Variants in WDFY4 observed in about 807,000 individuals in gnomAD.
WDFY4 encodes the protein WDFY family member 4.
In WDFY4, 169 loss-of-function variants were observed where a neutral mutation model predicts 351.9. The observed-to-expected ratio is 0.48, with a 90% CI of 0.42 to 0.55. The LOEUF (loss-of-function observed/expected upper bound fraction) is 0.55, where lower values mean the gene tolerates loss of function less well. WDFY4 is among the 20% of genes least tolerant of loss of function. WDFY4 has a pLI of 0.00. For missense variants in WDFY4, 3,803 were observed against 3,935.6 expected (o/e 0.97, Z 0.90); for synonymous variants, 1,622 against 1,574.6 (o/e 1.03, Z -0.71).
At chr10:48,962,123 C>G (rs779085300) in intron 53 of WDFY4, among the ~76,000 whole-genome samples, 3 of 152,210 alleles carry the variant, frequency 2.0e-5, no homozygotes, top group Non-Finnish European at 4.4e-5. Flanking sequence ...ATGATCTGCC[C>G]TCACCTGGGT....
intron 44 of WDFY4, among the ~76,000 whole-genome samples, chr10:48,892,895 G>T (rs1462482684): frequency 2.0e-5 from 3 of 152,202 alleles, no homozygotes; most frequent in East Asian, 3.8e-4. Context: ...GTTAGCTTTT[G>T]CTTGTAGTAA....
chr10:48,889,499 A>AT (rs11439901), intron 43 of WDFY4, among the ~76,000 whole-genome samples: 150,093 of 151,916 alleles, frequency 0.99, 74,171 homozygotes, highest in Middle Eastern at 1. Context: ...AACCTCTTTT[A>AT]TTTTTTTTCT....
chr10:48,880,100 C>G (rs910654782), intron 43 of WDFY4, among the ~76,000 whole-genome samples: 1 of 152,164 alleles, frequency 6.6e-6, no homozygotes, highest in African/African-American at 2.4e-5. Flanking sequence ...CAGGCTGCTG[C>G]CCCCCAGGGC....
chr10:48,802,874 G>A, intron 24 of WDFY4: 1 of 480,822 alleles, frequency 2.1e-6, no homozygotes, highest in Non-Finnish European at 4.3e-6. Context: ...AGTGGAGACT[G>A]TCACTCAGCT....
At chr10:48,763,311 C>A (rs1336634873) in intron 13 of WDFY4, among the ~76,000 whole-genome samples, 1 of 152,212 alleles carries the variant, frequency 6.6e-6, no homozygotes, top group Non-Finnish European at 1.5e-5. Context: ...CACCTCTGGC[C>A]CAAGCTTAAG....
intron 43 of WDFY4, among the ~76,000 whole-genome samples, chr10:48,879,402 C>T (rs1398954559): frequency 1.3e-5 from 2 of 152,232 alleles, no homozygotes; most frequent in Admixed American, 1.3e-4. Flanking sequence ...AGATATCATG[C>T]TCCAGCTACA....
At position 48,885,097 on chromosome 10, in the gene WDFY4, C is replaced by T. The variant is rs12249664; in HGVS notation, c.7168-5482C>T. Among the ~76,000 whole-genome samples, 1,301 of 152,078 alleles carry T rather than the reference C, an allele frequency of 8.6e-3. 20 individuals are homozygous for T. Among genetic ancestry groups the T allele is most frequent in the African/African-American group, 0.03 (1,231 of 41,464 alleles). ...TTTTTTTCTTAGCCTAGCTGGTGCC[C>T]AACGGTCGGTTTCTTAGTGTATGGG... On this transcript the variant is annotated intron_variant, in intron 43 of 61. Transcript: ENST00000325239.
intron 54 of WDFY4, among the ~76,000 whole-genome samples, chr10:48,964,339 C>T (rs1841986547): frequency 6.6e-6 from 1 of 152,210 alleles, no homozygotes. Context: ...TTCGTATCTA[C>T]CCTACAGGTT....
chr10:48,804,712 C>A, intron 25 of WDFY4: 1 of 985,000 alleles, frequency 1.0e-6, no homozygotes. Flanking sequence ...GATATTTATC[C>A]TGGGAGCTGT....
At chr10:48,710,103 G>A (rs2063731639) in intron 2 of WDFY4, 137 bp downstream of exon 2, 1 of 753,694 alleles carries the variant, frequency 1.3e-6, no homozygotes, top group African/African-American at 1.8e-5. Flanking sequence ...TGTTGTCTTA[G>A]TCTGCTAGGG....
intron 52 of WDFY4, among the ~76,000 whole-genome samples, chr10:48,958,355 G>A (rs1239425756): frequency 6.6e-6 from 1 of 152,168 alleles, no homozygotes; most frequent in Admixed American, 6.5e-5. Context: ...CAAAGCGTGA[G>A]GAGTCCCACA....
intron 47 of WDFY4, chr10:48,914,339 T>C (rs184740292): frequency 1.0e-4 from 68 of 665,852 alleles, no homozygotes; most frequent in African/African-American, 8.3e-4. Flanking sequence ...AGAAAGAGGA[T>C]TGCGGAGAGA....
intron 13 of WDFY4, among the ~76,000 whole-genome samples, chr10:48,762,062 C>A (rs1000764077): frequency 9.2e-5 from 14 of 152,304 alleles, no homozygotes; most frequent in African/African-American, 3.1e-4. Context: ...ACCTGGCACT[C>A]CCAGGAAGCA....
rs1564400011 is a variant in WDFY4, at chr10:48,833,142, T to C, written c.6663+433T>C. On this transcript the variant is annotated intron_variant, in intron 39 of 61. Coordinates refer to ENST00000325239, the MANE Select transcript of WDFY4 (RefSeq NM_001394531.1). ...TCCTAAAACTCATTGGCACCAACAA[T>C]GTGTGTGTGTGTGTGTGTGTGTGTG... Among the ~76,000 whole-genome samples the C allele has an allele frequency of 2.7e-5, 3 of 109,908 alleles. No individual in the cohort carries two copies. In the Admixed American group the frequency reaches 3.2e-4, roughly 12 times the overall value. 72.1% of individuals were successfully genotyped at this position (109,908 alleles called of 152,430 possible). A position where few individuals can be genotyped will look rare whatever the true frequency, so the allele number is the denominator to read the frequency against.
intron 40 of WDFY4, among the ~76,000 whole-genome samples, chr10:48,871,808 C>T (rs182561612): frequency 2.0e-5 from 3 of 152,230 alleles, no homozygotes; most frequent in East Asian, 1.9e-4. Flanking sequence ...TGGAGTACTA[C>T]ATAAAATGCT....
intron 10 of WDFY4, among the ~76,000 whole-genome samples, chr10:48,735,066 C>G (rs1035663255): frequency 2.7e-5 from 4 of 150,126 alleles, no homozygotes; most frequent in African/African-American, 9.8e-5. Context: ...GCTAGGATTA[C>G]AGGCGTGAGC....
At chr10:48,863,299 C>T (rs1018569941) in intron 39 of WDFY4, among the ~76,000 whole-genome samples, 1 of 152,212 alleles carries the variant, frequency 6.6e-6, no homozygotes, top group Non-Finnish European at 1.5e-5. Flanking sequence ...CACCATTTTA[C>T]ATTCCCACCA....
chr10:48,850,392 G>T (rs1051055378), intron 39 of WDFY4, among the ~76,000 whole-genome samples: 2 of 151,946 alleles, frequency 1.3e-5, no homozygotes, highest in Non-Finnish European at 2.9e-5. Flanking sequence ...TGTAATTTGG[G>T]CTATCATCCA....
chr10:48,829,551 T>A (rs1233940972), intron 37 of WDFY4, among the ~76,000 whole-genome samples: 2 of 152,194 alleles, frequency 1.3e-5, no homozygotes, highest in Non-Finnish European at 2.9e-5. Context: ...TATGTTGTAA[T>A]ACAAGATTGT....
Sources: allele counts gnomAD v4.1 joint callset (sites outside exome capture counted in the v4.1 genomes callset), GRCh38; gene constraint gnomAD v4.1.1; transcripts MANE v1.5; gene names NCBI Gene and HGNC (gene_info 2026-07-23, HGNC 2026-07-21).